RAP1GAP2: variants seen among roughly 807,000 people sequenced by gnomAD.
The protein encoded by RAP1GAP2 is RAP1 GTPase activating protein 2, also known as rap1 GTPase-activating protein 2.
In RAP1GAP2, 27 loss-of-function variants were observed where a neutral mutation model predicts 95.0. That is an observed-to-expected ratio of 0.28 (90% CI 0.21 to 0.39). The LOEUF is 0.39. Among genes scored for constraint, RAP1GAP2 ranks in the 10% least tolerant of loss-of-function variants. The probability of loss-of-function intolerance (pLI) is 1.00; values close to 1 mark genes in which losing one functional copy is unlikely to be tolerated. For synonymous variants in RAP1GAP2, 373 were observed against 380.9 expected, an observed-to-expected ratio of 0.98 and a Z score of 0.24; for missense variants, 771 against 970.0, an observed-to-expected ratio of 0.79 and a Z score of 2.72.
intron 2 of RAP1GAP2, among the ~76,000 whole-genome samples, chr17:2,802,670 C>T (rs2069352854): frequency 6.6e-6 from 1 of 152,008 alleles, no homozygotes; most frequent in Admixed American, 6.6e-5. Context: ...GAGATCGCAC[C>T]ACAGCCTGGG....
intron 2 of RAP1GAP2, among the ~76,000 whole-genome samples, chr17:2,900,086 A>C (rs1597556826): frequency 6.6e-6 from 1 of 152,098 alleles, no homozygotes; most frequent in African/African-American, 2.4e-5. Context: ...GATGGCTGGG[A>C]GCGGGTGTGG....
intron 2 of RAP1GAP2, among the ~76,000 whole-genome samples, chr17:2,812,633 TC>T (rs1289572382): frequency 4.6e-5 from 7 of 151,976 alleles, no homozygotes; most frequent in African/African-American, 1.7e-4. Flanking sequence ...CTTCCTTCCC[TC>T]CCCCAGGACG....
At chr17:2,820,836 C>T (rs1188801607) in intron 2 of RAP1GAP2, among the ~76,000 whole-genome samples, 2 of 150,180 alleles carry the variant, frequency 1.3e-5, no homozygotes, top group East Asian at 3.9e-4. Flanking sequence ...ATTCTCCTGC[C>T]TCAGCCTCCC....
At chr17:2,848,438 T>A (rs2071679038) in intron 2 of RAP1GAP2, among the ~76,000 whole-genome samples, 1 of 151,916 alleles carries the variant, frequency 6.6e-6, no homozygotes, top group African/African-American at 2.4e-5. Context: ...GAGGGGATTT[T>A]AGAAGCTGGG....
chr17:2,911,181 C>G (rs2042367128), intron 3 of RAP1GAP2, among the ~76,000 whole-genome samples: 1 of 152,086 alleles, frequency 6.6e-6, no homozygotes, highest in South Asian at 2.1e-4. Flanking sequence ...CCCCCGGGCC[C>G]CCACCCTCAC....
chr17:2,971,692 T>C (rs906902067), intron 8 of RAP1GAP2, among the ~76,000 whole-genome samples: 8 of 152,226 alleles, frequency 5.3e-5, no homozygotes, highest in African/African-American at 1.9e-4. Context: ...GATGGTAGCA[T>C]GTACCTTGAA....
chr17:3,005,680 C>T lies in RAP1GAP2; in HGVS notation c.1272+240C>T, dbSNP rs573564181. Among the ~76,000 whole-genome samples, 94 of 152,278 alleles carry T rather than the reference C, an allele frequency of 6.2e-4. No homozygotes were observed. Among genetic ancestry groups the T allele is most frequent in the Non-Finnish European group, 4.7e-4 (32 of 68,022 alleles). On this transcript the variant is annotated intron_variant, in intron 15 of 24. Transcript: ENST00000254695. This position sits in a 1 kb window ranked among gnomAD's most constrained non-coding sequence, Gnocchi z 5.2. ...CTGGGGTTGCTTTTCTGCTGAAAGACGGGCTTTTATGTTGAGCCCCGGTCA... is the reference window on the plus strand; with the variant it reads ...CTGGGGTTGCTTTTCTGCTGAAAGATGGGCTTTTATGTTGAGCCCCGGTCA...
In RAP1GAP2 at chr17:2,890,964, G is replaced by A. The variant is rs370566585; in HGVS notation, c.81-14320G>A. 6.6e-5 allele frequency among the ~76,000 whole-genome samples: 10 copies of A among 152,178 alleles called. 1 individual carries two copies. The East Asian group carries it at 1.2e-3, about 18-fold the overall frequency. On this transcript the variant is annotated intron_variant, in intron 2 of 24. Coordinates refer to ENST00000254695, the MANE Select transcript of RAP1GAP2 (RefSeq NM_015085.5). ...GCCTCCCAAAGTGCTGGGATTACAG[G>A]CTTGAGCCACCACGCCCGACCAATG...
intron 17 of RAP1GAP2, among the ~76,000 whole-genome samples, chr17:3,015,253 A>G (rs1285756312): frequency 6.6e-6 from 1 of 152,136 alleles, no homozygotes; most frequent in Non-Finnish European, 1.5e-5. Context: ...GACTCAGATA[A>G]GAGATGCCCG....
chr17:2,787,992 ATCC>A (rs1377408715), intron 1 of RAP1GAP2, among the ~76,000 whole-genome samples: 1 of 152,224 alleles, frequency 6.6e-6, no homozygotes, highest in Non-Finnish European at 1.5e-5. Flanking sequence ...AATGTAGTTA[ATCC>A]TCAGTTGATG....
chr17:3,018,245 C>A lies in RAP1GAP2; in HGVS notation c.1632+47C>A, dbSNP rs781436088. The A allele has an allele frequency of 2.6e-6, 4 of 1,512,404 alleles. No homozygotes were observed. In the South Asian group the frequency reaches 3.7e-5, roughly 14 times the overall value. 93.7% of individuals were successfully genotyped at this position (1,512,404 alleles called of 1,614,324 possible). On this transcript the variant is annotated intron_variant, in intron 18 of 24. Transcript: ENST00000254695. ...GGCGGCAAGTGGGTCCCAGGGAGGC[C>A]CCCCCCAGACCTATGGAGGAAGAGT...
chr17:2,968,492 C>T (rs2044711793), intron 8 of RAP1GAP2, among the ~76,000 whole-genome samples: 1 of 152,052 alleles, frequency 6.6e-6, no homozygotes, highest in Admixed American at 6.6e-5. Flanking sequence ...AAATGACTCA[C>T]CCATTAACAG....
At chr17:2,788,674 G>C (rs1201915954) in intron 1 of RAP1GAP2, among the ~76,000 whole-genome samples, 1 of 152,176 alleles carries the variant, frequency 6.6e-6, no homozygotes, top group African/African-American at 2.4e-5. Context: ...GGGGATCCAG[G>C]AAAGCTGGTG....
intron 3 of RAP1GAP2, among the ~76,000 whole-genome samples, chr17:2,917,314 A>T (rs1301882459): frequency 6.6e-6 from 1 of 151,446 alleles, no homozygotes; most frequent in Non-Finnish European, 1.5e-5. Context: ...CTTGTTGCCC[A>T]GGCTGGAGGG....
At position 2,800,518 on chromosome 17, in the gene RAP1GAP2, C is replaced by A; in HGVS notation, c.48C>A (p.Ile16=). 1 of 1,612,658 alleles carries A rather than the reference C, an allele frequency of 6.2e-7. No homozygotes were observed. Among genetic ancestry groups the A allele is most frequent in the Non-Finnish European group, 8.5e-7 (1 of 1,179,344 alleles). ...RSVSFGGFGW[I]DKTMLASLKV... ...GCCCTTGCTTTTCTCTTGGCAGGAT[C>A]GACAAGACCATGCTGGCAAGTCTGA... Residue 16 remains isoleucine (I), a synonymous_variant, in exon 2 of 25, where the codon ATC becomes ATA. Transcript: ENST00000254695.
rs1171910256 is a variant in RAP1GAP2 at position 3,027,912 on chromosome 17, G to T, written c.2107+842G>T. Among the ~76,000 whole-genome samples, 2 of 152,004 alleles carry T rather than the reference G, an allele frequency of 1.3e-5. No homozygotes were observed. Among genetic ancestry groups the T allele is most frequent in the Admixed American group, 1.3e-4 (2 of 15,272 alleles). The stretch of plus-strand genomic sequence containing the variant: ...AGAGCAGGAGTCTGGGCGTTTTGGG[G>T]TTCTGTGATCCCTGCAGTTGGTCAG... On this transcript the variant is annotated intron_variant, in intron 22 of 24. Coordinates refer to ENST00000254695, the MANE Select transcript of RAP1GAP2 (RefSeq NM_015085.5). This position sits in a 1 kb window ranked among gnomAD's most constrained non-coding sequence, Gnocchi z 5.2.
chr17:2,873,467 C>T (rs1460622314), intron 2 of RAP1GAP2, among the ~76,000 whole-genome samples: 1 of 76,734 alleles, frequency 1.3e-5, no homozygotes, highest in East Asian at 3.9e-4. Flanking sequence ...AGAATGAGAC[C>T]CTGTCTCAAA....
At chr17:2,966,602 G>A (rs1295128293) in intron 8 of RAP1GAP2, among the ~76,000 whole-genome samples, 1 of 152,196 alleles carries the variant, frequency 6.6e-6, no homozygotes, top group East Asian at 1.9e-4. Context: ...CGTGGTTTCA[G>A]GATGTCGTCA....
At position 3,030,923 on chromosome 17, in the gene RAP1GAP2, T is replaced by C. The variant is rs1449084313; in HGVS notation, c.2109T>C (p.Asp703=). The C allele has an allele frequency of 1.4e-5, 23 of 1,608,346 alleles. No homozygotes were observed. Among genetic ancestry groups the C allele is most frequent in the Non-Finnish European group, 1.9e-5 (22 of 1,177,328 alleles). The change falls in exon 23 of 25, where the codon GAT becomes GAC. Residue 703 remains aspartate (D), a splice_region_variant and synonymous_variant. Coordinates refer to ENST00000254695, the MANE Select transcript of RAP1GAP2 (RefSeq NM_015085.5). The part of the protein sequence containing the change: ...TPIIMSRSPT[D]AKSRNSPRSN... ...TTTCATGGCCGTTCTTTTTCTTAGA[T>C]GCCAAAAGCAGAAACTCCCCGAGAT...
Sources: allele counts gnomAD v4.1 joint callset (sites outside exome capture counted in the v4.1 genomes callset), GRCh38; gene constraint gnomAD v4.1.1; non-coding constraint Gnocchi (gnomAD v3.1); transcripts MANE v1.5; gene names NCBI Gene and HGNC (gene_info 2026-07-23, HGNC 2026-07-21).